Variants in BSN observed in about 807,000 individuals in gnomAD.
The protein encoded by BSN is bassoon presynaptic cytomatrix protein, also known as protein bassoon.
BSN carries 57 observed loss-of-function variants against 264.8 expected under a neutral mutation model. That is an observed-to-expected ratio of 0.22 (90% CI 0.17 to 0.27). The LOEUF (loss-of-function observed/expected upper bound fraction) is 0.27, where lower values mean the gene tolerates loss of function less well. Ranked by LOEUF, BSN falls within the 10% of genes least tolerant of loss-of-function variation. The probability of loss-of-function intolerance (pLI) is 1.00; values close to 1 mark genes in which losing one functional copy is unlikely to be tolerated. For missense variants in BSN, 4,615 were observed against 5,232.5 expected (o/e 0.88, Z 3.64); for synonymous variants, 2,059 against 2,137.3 (o/e 0.96, Z 1.01).
chr3:49,586,110 AT>A (rs2108019733), intron 1 of BSN, among the ~76,000 whole-genome samples: 1 of 152,148 alleles, frequency 6.6e-6, no homozygotes, highest in African/African-American at 2.4e-5. Context: ...ACTTGATGTG[AT>A]TCCATTTGTC....
At chr3:49,589,099 A>AT (rs1354222189) in intron 1 of BSN, among the ~76,000 whole-genome samples, 1 of 61,634 alleles carries the variant, frequency 1.6e-5, no homozygotes, top group African/African-American at 5.9e-5. Flanking sequence ...TTTTTTTTGT[A>AT]TTTTTTAGTA....
At chr3:49,560,781 C>T (rs1046137268) in intron 1 of BSN, among the ~76,000 whole-genome samples, 1 of 152,170 alleles carries the variant, frequency 6.6e-6, no homozygotes, top group African/African-American at 2.4e-5. Context: ...CCTGTGGGCT[C>T]CTGCCTGTGG....
rs771012310 is a variant in BSN, at chr3:49,656,144, G to C, written c.6588G>C (p.Ser2196=). 1 of 1,613,018 alleles carries C rather than the reference G, an allele frequency of 6.2e-7. No individual in the cohort carries two copies. Among genetic ancestry groups the C allele is most frequent in the Non-Finnish European group, 8.5e-7 (1 of 1,179,976 alleles). ...GTGCAGCTGATGGCATGATCTACTCGACTATCAATACCCCAATTGCTGCAA... is the reference window on the plus strand; with the variant it reads ...GTGCAGCTGATGGCATGATCTACTCCACTATCAATACCCCAATTGCTGCAA... ...TVRAADGMIY[S]TINTPIAATL... is the part of the protein sequence containing the mutation. Residue 2196 remains serine, a synonymous_variant, in exon 5 of 12, where the codon TCG becomes TCC. Transcript: ENST00000296452.
Position 49,651,424 on chromosome 3 carries a change from C to T in BSN, c.1987-119C>T. On this transcript the variant is annotated intron_variant, in intron 4 of 11. Coordinates refer to ENST00000296452, the MANE Select transcript of BSN (RefSeq NM_003458.4). The surrounding 1 kb of genome is among the most constrained non-coding windows in gnomAD (Gnocchi z 5.4). ...AAGGAGATAGGGTGGGTGGCGGGCC[C>T]TAAACCCTTGGGAAATGGACAGACT... 1.6e-6 allele frequency: 2 copies of T among 1,217,480 alleles called. No individual in the cohort carries two copies. The highest frequency in any genetic ancestry group is 1.5e-5 in the South Asian group (1 of 65,952). 75.4% of individuals were successfully genotyped at this position (1,217,480 alleles called of 1,614,324 possible).
chr3:49,591,958 G>A lies in BSN; in HGVS notation c.225-33017G>A, dbSNP rs149669429. Among the ~76,000 whole-genome samples the A allele has an allele frequency of 6.7e-3, 1,019 of 152,154 alleles. 8 individuals carry two copies. Among genetic ancestry groups the A allele is most frequent in the African/African-American group, 0.023 (971 of 41,496 alleles). The stretch of plus-strand genomic sequence containing the variant: ...ATCACTGGCTCTGATAAAGTTGAGA[G>A]CCAAAGACAGAGTAATATTATAAAA... On this transcript the variant is annotated intron_variant, in intron 1 of 11. Coordinates refer to ENST00000296452, the MANE Select transcript of BSN (RefSeq NM_003458.4).
chr3:49,630,174 C>T (rs2052374717), intron 2 of BSN, among the ~76,000 whole-genome samples: 1 of 152,234 alleles, frequency 6.6e-6, no homozygotes, highest in Non-Finnish European at 1.5e-5. Flanking sequence ...CCTGGCCACA[C>T]TGCCACCTGG....
intron 1 of BSN, among the ~76,000 whole-genome samples, chr3:49,583,527 T>C (rs2051910417): frequency 6.6e-6 from 1 of 152,148 alleles, no homozygotes; most frequent in South Asian, 2.1e-4. Context: ...GGAGGATCAC[T>C]TGAACTCAGG....
intron 1 of BSN, among the ~76,000 whole-genome samples, chr3:49,557,933 G>T: frequency 6.6e-6 from 1 of 152,188 alleles, no homozygotes; most frequent in East Asian, 1.9e-4. Context: ...TTTGTCAGCT[G>T]TCAAGAGCAA....
In BSN at chr3:49,580,556, C is replaced by T. The variant is rs145631206; in HGVS notation, c.224+25730C>T. ...AAGCAGTCCTCTCATCTCAGCCTCC[C>T]GGGCTCAAGCAGTCCTCTCATCTCA... On this transcript the variant is annotated intron_variant, in intron 1 of 11. Coordinates refer to ENST00000296452, the MANE Select transcript of BSN (RefSeq NM_003458.4). 8.9e-4 allele frequency among the ~76,000 whole-genome samples: 136 copies of T among 152,024 alleles called. 2 individuals carry two copies. The East Asian group carries it at 0.023, about 26-fold the overall frequency.
chr3:49,595,937 T>C (rs1204377188), intron 1 of BSN, among the ~76,000 whole-genome samples: 1 of 152,192 alleles, frequency 6.6e-6, no homozygotes, highest in Non-Finnish European at 1.5e-5. Context: ...AAAAGAAATA[T>C]GTAGTTTTAT....
chr3:49,631,703 G>T (rs1396711515), intron 2 of BSN, among the ~76,000 whole-genome samples: 1 of 152,144 alleles, frequency 6.6e-6, no homozygotes, highest in Non-Finnish European at 1.5e-5. Context: ...AGGAGCAAAG[G>T]TCCAGGACAG....
chr3:49,567,891 A>G (rs965374158), intron 1 of BSN, among the ~76,000 whole-genome samples: 2 of 152,136 alleles, frequency 1.3e-5, no homozygotes, highest in African/African-American at 4.8e-5. Context: ...CATCAATTAT[A>G]TGTTTGAGAG....
chr3:49,616,428 C>A (rs1345347889), intron 1 of BSN, among the ~76,000 whole-genome samples: 1 of 152,206 alleles, frequency 6.6e-6, no homozygotes, highest in African/African-American at 2.4e-5. Context: ...GAAAGGTCAG[C>A]CATGAATTCA....
intron 1 of BSN, among the ~76,000 whole-genome samples, chr3:49,600,815 T>C (rs1157190575): frequency 2.6e-5 from 4 of 151,532 alleles, no homozygotes; most frequent in Admixed American, 2.0e-4. Flanking sequence ...AAAAAATAAA[T>C]AAGTAAATAA....
At chr3:49,615,928 A>G (rs2052256345) in intron 1 of BSN, among the ~76,000 whole-genome samples, 1 of 152,202 alleles carries the variant, frequency 6.6e-6, no homozygotes, top group South Asian at 2.1e-4. Context: ...TAGGACACAT[A>G]TGCCAAGGGG....
chr3:49,656,009 C>T lies in BSN; in HGVS notation c.6453C>T (p.Asn2151=), dbSNP rs1389699189. ...LVPLRPGLLG[N]PTFPEGHPSP... is the part of the protein sequence containing the mutation. ...CCCTCAGACCTGGACTCCTTGGTAA[C>T]CCCACCTTTCCAGAGGGCCACCCAA... The change falls in exon 5 of 12, where the codon AAC becomes AAT. Residue 2151 remains asparagine, a synonymous_variant. Transcript: ENST00000296452. 3 of 1,602,710 alleles carry T rather than the reference C, an allele frequency of 1.9e-6. No individual in the cohort carries two copies. Among genetic ancestry groups the T allele is most frequent in the South Asian group, 1.1e-5 (1 of 90,570 alleles).
At chr3:49,564,565 C>G (rs1035246896) in intron 1 of BSN, among the ~76,000 whole-genome samples, 6 of 152,196 alleles carry the variant, frequency 3.9e-5, no homozygotes, top group African/African-American at 1.4e-4. Context: ...ACTTTCTAAA[C>G]CCCTGCATCT....
At chr3:49,612,123 CAACA>C (rs1156580333) in intron 1 of BSN, among the ~76,000 whole-genome samples, 5 of 147,086 alleles carry the variant, frequency 3.4e-5, no homozygotes, top group Non-Finnish European at 7.4e-5. Flanking sequence ...ACCTGAAATA[CAACA>C]AACAAAGAAT....
At chr3:49,605,506 AT>A (rs2052114790) in intron 1 of BSN, among the ~76,000 whole-genome samples, 3 of 5,218 alleles carry the variant, frequency 5.7e-4, no homozygotes, top group Non-Finnish European at 8.8e-4. Flanking sequence ...TATAATATAT[AT>A]TATATAATAT....
Sources: allele counts gnomAD v4.1 joint callset (sites outside exome capture counted in the v4.1 genomes callset), GRCh38; gene constraint gnomAD v4.1.1; non-coding constraint Gnocchi (gnomAD v3.1); transcripts MANE v1.5; gene names NCBI Gene and HGNC (gene_info 2026-07-23, HGNC 2026-07-21).